The following PDE8B variants were observed in gnomAD, a reference collection of about 807,000 sequenced individuals.
PDE8B encodes phosphodiesterase 8B.
PDE8B carries 26 observed loss-of-function variants against 101.3 expected under a neutral mutation model. That is an observed-to-expected ratio of 0.26 (90% CI 0.19 to 0.36). The LOEUF (loss-of-function observed/expected upper bound fraction) is 0.36, where lower values mean the gene tolerates loss of function less well. Ranked by LOEUF, PDE8B falls within the 10% of genes least tolerant of loss-of-function variation. PDE8B has a pLI of 1.00. For missense variants in PDE8B, 810 were observed against 1,163.1 expected, an observed-to-expected ratio of 0.70 and a Z score of 4.42; for synonymous variants, 424 against 429.3, an observed-to-expected ratio of 0.99 and a Z score of 0.15.
At position 77,342,262 on chromosome 5, in the gene PDE8B, C is replaced by T. The variant is rs188946108; in HGVS notation, c.798-2591C>T. Among the ~76,000 whole-genome samples the T allele has an allele frequency of 2.8e-4, 43 of 152,246 alleles. 1 individual carries two copies. The highest frequency in any genetic ancestry group is 2.8e-4 in the Non-Finnish European group (19 of 68,010). On this transcript the variant is annotated intron_variant, in intron 6 of 21. Coordinates refer to ENST00000264917, the MANE Select transcript of PDE8B (RefSeq NM_003719.5). ...TATTCTCATATTGTCCCAAGCACTT[C>T]GAGAAATGCCTCACATAAACTATCT... is the stretch of plus-strand genomic sequence containing the variant.
At chr5:77,198,498 G>C in the PDE8B span, among the ~76,000 whole-genome samples, 2 of 152,082 alleles carry the variant, frequency 1.3e-5, no homozygotes, top group Admixed American at 1.3e-4. Context: ...CCATGATTTT[G>C]GTCTTCTCAC....
chr5:77,177,921 A>G, the PDE8B span, among the ~76,000 whole-genome samples: 2 of 152,360 alleles, frequency 1.3e-5, no homozygotes, highest in African/African-American at 4.8e-5. Context: ...ACCACTGTTG[A>G]CTGTGGGTCA....
intron 10 of PDE8B, among the ~76,000 whole-genome samples, chr5:77,374,188 T>C (rs1226533427): frequency 6.6e-6 from 1 of 152,150 alleles, no homozygotes; most frequent in Non-Finnish European, 1.5e-5. Flanking sequence ...TTGATAGTAA[T>C]ATAGCCATTC....
At chr5:77,148,484 C>T in the PDE8B span, 1 of 152,168 alleles carries the variant, frequency 6.6e-6, no homozygotes, top group Non-Finnish European at 1.5e-5. Flanking sequence ...GGCCATTTTA[C>T]GTTCTTATCA....
rs140276199 is a variant in PDE8B, at chr5:77,325,575, G to A, written c.436G>A (p.Asp146Asn). Reference protein sequence around the residue: ...LIFAKEDSQSDGFWWACDRAG... With the variant: ...LIFAKEDSQSNGFWWACDRAG... ...CTTTGCAAAGGAAGATAGTCAGAGC[G>A]ATGGCTTCTGGTGGGCCTGCGACAG... Residue 146 changes from aspartate (D) to asparagine (N), a missense_variant, in exon 3 of 22, where the codon GAT becomes AAT. By Grantham distance (23) the Asp-to-Asn change is conservative. Coordinates refer to ENST00000264917, the MANE Select transcript of PDE8B (RefSeq NM_003719.5). 1.3e-5 allele frequency: 21 copies of A among 1,613,980 alleles called. No homozygotes were observed. Among genetic ancestry groups the A allele is most frequent in the Middle Eastern group, 3.3e-4 (2 of 6,084 alleles).
At chr5:77,278,502 C>T (rs1474002081) in intron 1 of PDE8B, among the ~76,000 whole-genome samples, 1 of 152,130 alleles carries the variant, frequency 6.6e-6, no homozygotes, top group Non-Finnish European at 1.5e-5. Flanking sequence ...CGGAGTCTCA[C>T]TCTGTCGCCC....
the PDE8B span, among the ~76,000 whole-genome samples, chr5:77,095,601 A>G: frequency 5.3e-5 from 8 of 152,154 alleles, no homozygotes; most frequent in Non-Finnish European, 8.8e-5. Context: ...GCTATTCATC[A>G]TTGTTCCTTT....
intron 7 of PDE8B, among the ~76,000 whole-genome samples, chr5:77,346,577 G>A (rs1780193847): frequency 6.6e-6 from 1 of 152,136 alleles, no homozygotes; most frequent in African/African-American, 2.4e-5. Flanking sequence ...ATATTGTGAT[G>A]GTGTCACATT....
At chr5:77,415,969 C>T (rs551720473) in intron 17 of PDE8B, among the ~76,000 whole-genome samples, 2 of 152,332 alleles carry the variant, frequency 1.3e-5, no homozygotes, top group East Asian at 1.9e-4. Flanking sequence ...GCAGAGGTAA[C>T]TGCACCTCCA....
chr5:77,415,497 G>A lies in PDE8B; in HGVS notation c.1911+2188G>A, dbSNP rs1227963137. 2.0e-5 allele frequency among the ~76,000 whole-genome samples: 3 copies of A among 151,520 alleles called. No individual in the cohort carries two copies. The East Asian group carries it at 5.8e-4, about 29-fold the overall frequency. ...CTCAGCCTCCCGAGTAGCTGGGATT[G>A]CAGGCACATGCCACCAAGCCCAGGC... On this transcript the variant is annotated intron_variant, in intron 17 of 21. Coordinates refer to ENST00000264917, the MANE Select transcript of PDE8B (RefSeq NM_003719.5).
At chr5:77,242,203 T>G (rs77740484) in intron 1 of PDE8B, among the ~76,000 whole-genome samples, 1 of 152,260 alleles carries the variant, frequency 6.6e-6, no homozygotes, top group African/African-American at 2.4e-5. Flanking sequence ...ACCAAACTGG[T>G]GGTGTGTTTA....
At chr5:77,353,163 A>G (rs1471774588) in intron 9 of PDE8B, among the ~76,000 whole-genome samples, 183 bp from the exon 10 acceptor site, 1 of 152,210 alleles carries the variant, frequency 6.6e-6, no homozygotes, top group East Asian at 1.9e-4. Flanking sequence ...CCCAGTTTCC[A>G]AAGGCATGTG....
At chr5:77,126,891 G>A in the PDE8B span, among the ~76,000 whole-genome samples, 3 of 152,156 alleles carry the variant, frequency 2.0e-5, no homozygotes, top group East Asian at 5.8e-4. Flanking sequence ...TTAGTGCTAT[G>A]GCAAGCTCCA....
intron 1 of PDE8B, among the ~76,000 whole-genome samples, chr5:77,239,488 C>A (rs1181405286): frequency 2.6e-5 from 4 of 152,182 alleles, no homozygotes; most frequent in Non-Finnish European, 5.9e-5. Flanking sequence ...TCCTTGTTTG[C>A]AATCTCTTGG....
rs112931490 is a variant in PDE8B, at chr5:77,352,216, G to A, written c.1106+1063G>A. Reference sequence around the variant, plus strand: ...TCCTCCTGAGCAGCCTGGCCTCAGCGTGGCCATTCTCACCCACAGGCAGTG... The same window carrying A: ...TCCTCCTGAGCAGCCTGGCCTCAGCATGGCCATTCTCACCCACAGGCAGTG... On this transcript the variant is annotated intron_variant, in intron 9 of 21. Coordinates refer to ENST00000264917, the MANE Select transcript of PDE8B (RefSeq NM_003719.5). 5.3e-3 allele frequency among the ~76,000 whole-genome samples: 807 copies of A among 152,284 alleles called. 6 individuals are homozygous for A. The highest frequency in any genetic ancestry group is 0.019 in the African/African-American group (769 of 41,556).
chr5:77,195,923 G>C, the PDE8B span, among the ~76,000 whole-genome samples: 1 of 152,154 alleles, frequency 6.6e-6, no homozygotes, highest in African/African-American at 2.4e-5. Flanking sequence ...AAGAAAATCT[G>C]CGTGTAAGTG....
intron 1 of PDE8B, among the ~76,000 whole-genome samples, chr5:77,305,088 A>G (rs1770873225): frequency 6.6e-6 from 1 of 152,208 alleles, no homozygotes; most frequent in South Asian, 2.1e-4. Flanking sequence ...AGCAACAGAC[A>G]AGTCTGCTCA....
rs1554079364 is a variant in PDE8B, at chr5:77,318,070, A to AAAAC, written c.399+6020_399+6021insCAAA. Among the ~76,000 whole-genome samples, 119 of 151,156 alleles carry AAAAC rather than the reference A, an allele frequency of 7.9e-4. 3 individuals are homozygous for AAAAC. Among genetic ancestry groups the AAAAC allele is most frequent in the African/African-American group, 2.6e-3 (108 of 41,210 alleles). On this transcript the variant is annotated intron_variant, in intron 2 of 21. Coordinates refer to ENST00000264917, the MANE Select transcript of PDE8B (RefSeq NM_003719.5). ...GACTCCATCTCAAAAAAAAAAAAAA[A>AAAAC]AAAAAAACACAACAACAACAACAAA...
chr5:77,132,219 A>G, the PDE8B span, among the ~76,000 whole-genome samples: 1 of 152,226 alleles, frequency 6.6e-6, no homozygotes, highest in Non-Finnish European at 1.5e-5. Context: ...TTTGCAACCA[A>G]ATAGAACAAG....
Sources: allele counts gnomAD v4.1 joint callset (sites outside exome capture counted in the v4.1 genomes callset), GRCh38; gene constraint gnomAD v4.1.1; transcripts MANE v1.5; gene names NCBI Gene and HGNC (gene_info 2026-07-23, HGNC 2026-07-21).